Variants in SLC5A2 observed in about 807,000 individuals in gnomAD.
The protein encoded by SLC5A2 is solute carrier family 5 member 2, also known as sodium/glucose cotransporter 2.
In SLC5A2, 67 loss-of-function variants were observed where a neutral mutation model predicts 69.0. The observed-to-expected ratio is 0.97, with a 90% CI of 0.80 to 1.19. The LOEUF is 1.19. Among genes scored for constraint, SLC5A2 ranks in the 50% most tolerant of loss-of-function variants. SLC5A2 has a pLI of 0.00. For synonymous variants in SLC5A2, 455 were observed against 395.8 expected (o/e 1.15, Z -1.78); for missense variants, 1,001 against 921.5 (o/e 1.09, Z -1.12).
rs758643864 is a variant in SLC5A2, at chr16:31,489,317, C to T, written c.1644C>T (p.Thr548=). 8.7e-6 allele frequency: 14 copies of T among 1,609,182 alleles called. No individual in the cohort carries two copies. Among genetic ancestry groups the T allele is most frequent in the Non-Finnish European group, 1.1e-5 (13 of 1,179,994 alleles). The change falls in exon 12 of 14, where the codon ACC becomes ACT. Residue 548 remains threonine, a synonymous_variant. Transcript: ENST00000330498. ...TCACCCTCACGGTCTCCCTGTGCAC[C>T]GCGCCCATCCCCAGAAAGCACGTGA... is the stretch of plus-strand genomic sequence containing the variant. ...GLLTLTVSLC[T]APIPRKHLHR...
intron 7 of SLC5A2, 107 bp downstream of exon 7, chr16:31,487,866 G>C: frequency 1.4e-6 from 2 of 1,408,688 alleles, no homozygotes; most frequent in Non-Finnish European, 1.9e-6. Context: ...GCAGTCTGAG[G>C]GGCGGGAACC....
rs2082516043 is a variant in SLC5A2 at position 31,488,192 on chromosome 16, C to A, written c.1021+19C>A. The A allele has an allele frequency of 1.9e-6, 3 of 1,614,010 alleles. No individual in the cohort carries two copies. Among genetic ancestry groups the A allele is most frequent in the Non-Finnish European group, 2.5e-6 (3 of 1,179,980 alleles). ...TACCCAGGTAACATCCCTGCCCCGCCCCTTTCCTGTGCCAGCAACCGGGCG... is the reference window on the plus strand; with the variant it reads ...TACCCAGGTAACATCCCTGCCCCGCACCTTTCCTGTGCCAGCAACCGGGCG... On this transcript the variant is annotated intron_variant, in intron 8 of 13. Coordinates refer to ENST00000330498, the MANE Select transcript of SLC5A2 (RefSeq NM_003041.4).
chr16:31,490,623 C>T lies in SLC5A2; in HGVS notation c.*88C>T. 2 of 1,230,276 alleles carry T rather than the reference C, an allele frequency of 1.6e-6. No individual in the cohort carries two copies. Among genetic ancestry groups the T allele is most frequent in the South Asian group, 1.3e-5 (1 of 78,606 alleles). The allele number at this position is 1,230,276 out of a possible 1,614,324, so 76.2% of individuals were successfully genotyped here. On this transcript the variant is annotated 3_prime_UTR_variant, in exon 14 of 14. Coordinates refer to ENST00000330498, the MANE Select transcript of SLC5A2 (RefSeq NM_003041.4). ...GTGCTCCCCAGAAAAGGGGAAGGGG[C>T]AGTGGGGTGAGAAGGTCCTGGCTCC...
At position 31,489,255 on chromosome 16, in the gene SLC5A2, T is replaced by C. The variant is rs2082535708; in HGVS notation, c.1582T>C (p.Tyr528His). The change falls in exon 12 of 14, where the codon TAC becomes CAC. Residue 528 changes from tyrosine to histidine, a missense_variant. Transcript: ENST00000330498. ...PAFLCGVHYL[Y>H]FAIVLFFCSG... The stretch of plus-strand genomic sequence containing the variant: ...TTTCCTCTGCGGCGTGCACTACCTC[T>C]ACTTCGCCATTGTGCTGTTCTTCTG... 6.2e-7 allele frequency: 1 copy of C among 1,610,882 alleles called. No individual in the cohort carries two copies. Among genetic ancestry groups the C allele is most frequent in the Non-Finnish European group, 8.5e-7 (1 of 1,180,018 alleles).
chr16:31,490,321 C>T lies in SLC5A2; in HGVS notation c.1805C>T (p.Pro602Leu), dbSNP rs61746400. The change falls in exon 14 of 14, where the codon CCG becomes CTG. Residue 602 changes from proline (P) to leucine (L), a missense_variant. Transcript: ENST00000330498. ...CAATTTCCCTCAGAGCCCCAGGCCCCGGCACCAAGCCTCTTCCGCCAGTGC... is the reference window on the plus strand; with the variant it reads ...CAATTTCCCTCAGAGCCCCAGGCCCTGGCACCAAGCCTCTTCCGCCAGTGC... Reference protein sequence around the residue: ...SAMEMNEPQAPAPSLFRQCLL... With the variant: ...SAMEMNEPQALAPSLFRQCLL... 1.1e-3 allele frequency: 1,748 copies of T among 1,611,982 alleles called. 20 individuals are homozygous for T. In the African/African-American group the frequency reaches 0.021, roughly 19 times the overall value.
At position 31,484,927 on chromosome 16, in the gene SLC5A2, A is replaced by T. The variant is rs1340872420; in HGVS notation, c.303+4A>T. The T allele has an allele frequency of 1.9e-6, 3 of 1,613,246 alleles. No individual in the cohort carries two copies. The highest frequency in any genetic ancestry group is 2.5e-6 in the Non-Finnish European group (3 of 1,179,382). Reference sequence around the variant, plus strand: ...TGTTGCTGGATTCGAGTGGAATGTGAGGCCCTCTTTTTTCCAATAACCCCA... The same window carrying T: ...TGTTGCTGGATTCGAGTGGAATGTGTGGCCCTCTTTTTTCCAATAACCCCA... On this transcript the variant is annotated splice_donor_region_variant and intron_variant, in intron 3 of 13. Transcript: ENST00000330498.
intron 1 of SLC5A2, 50 bp from the exon 2 acceptor site, chr16:31,484,623 G>A (rs1207340945): frequency 6.4e-7 from 1 of 1,566,624 alleles, no homozygotes; most frequent in Admixed American, 1.7e-5. Context: ...TGGCTGATGA[G>A]GTCCAAGGCT....
chr16:31,489,087 G>C lies in SLC5A2; in HGVS notation c.1450-36G>C, dbSNP rs116551030. ...GCGTGGTGACGGCAGGGCTGGGCTTGCACATCCTCAGCAGGCTGACCTGTT... is the reference window on the plus strand; with the variant it reads ...GCGTGGTGACGGCAGGGCTGGGCTTCCACATCCTCAGCAGGCTGACCTGTT... On this transcript the variant is annotated intron_variant, in intron 11 of 13. Coordinates refer to ENST00000330498, the MANE Select transcript of SLC5A2 (RefSeq NM_003041.4). The C allele has an allele frequency of 1.1e-3, 1,817 of 1,603,908 alleles. 23 individuals carry two copies. In the African/African-American group the frequency reaches 0.022, roughly 19 times the overall value.
rs867256198 is a variant in SLC5A2 at position 31,484,656 on chromosome 16, C to T, written c.127-17C>T. On this transcript the variant is annotated splice_polypyrimidine_tract_variant and intron_variant, in intron 1 of 13. Coordinates refer to ENST00000330498, the MANE Select transcript of SLC5A2 (RefSeq NM_003041.4). ...GCTGTGCCCTAAACCCAGGTCTCCC[C>T]CGCCTCTGTCTCCCAGTCCATGTGC... is the stretch of plus-strand genomic sequence containing the variant. 6.2e-7 allele frequency: 1 copy of T among 1,604,782 alleles called. No individual in the cohort carries two copies. Among genetic ancestry groups the T allele is most frequent in the African/African-American group, 1.3e-5 (1 of 75,048 alleles).
chr16:31,487,900 C>A, intron 7 of SLC5A2, 138 bp from the exon 8 acceptor site: 1 of 1,428,876 alleles, frequency 7.0e-7, no homozygotes, highest in Non-Finnish European at 9.5e-7. Flanking sequence ...CTAAACCAGA[C>A]AGAAGGCTCC....
Position 31,488,745 on chromosome 16 carries a change from G to C in SLC5A2, c.1253G>C (p.Gly418Ala), listed in dbSNP as rs1320195158. Residue 418 changes from glycine to alanine, a missense_variant, in exon 10 of 14, where the codon GGC becomes GCC. Coordinates refer to ENST00000330498, the MANE Select transcript of SLC5A2 (RefSeq NM_003041.4). ...TACACGCGCCTGCGGCCACGCGCCG[G>C]CGACCGCGAGCTGCTGCTGGTGGGA... ...DIYTRLRPRA[G>A]DRELLLVGRL... 7 of 1,605,416 alleles carry C rather than the reference G, an allele frequency of 4.4e-6. No homozygotes were observed. The highest frequency in any genetic ancestry group is 2.7e-5 in the African/African-American group (2 of 74,804).
intron 12 of SLC5A2, 184 bp downstream of exon 12, chr16:31,489,522 G>T: frequency 1.5e-6 from 1 of 647,934 alleles, no homozygotes; most frequent in South Asian, 1.8e-5. Flanking sequence ...GAACCGGCCT[G>T]GGGGAGGCTT....
chr16:31,487,863 G>T, intron 7 of SLC5A2, 104 bp downstream of exon 7: 2 of 1,410,500 alleles, frequency 1.4e-6, no homozygotes, highest in Non-Finnish European at 1.9e-6. Flanking sequence ...GGCGCAGTCT[G>T]AGGGGCGGGA....
At chr16:31,487,897 A>G in intron 7 of SLC5A2, 138 bp downstream of exon 7, 1 of 1,430,136 alleles carries the variant, frequency 7.0e-7, no homozygotes, top group Non-Finnish European at 9.5e-7. Flanking sequence ...GTGCTAAACC[A>G]GACAGAAGGC....
At chr16:31,486,648 G>C (rs1257276292) in intron 5 of SLC5A2, among the ~76,000 whole-genome samples, 2 of 152,244 alleles carry the variant, frequency 1.3e-5, no homozygotes, top group Admixed American at 1.3e-4. Context: ...ATGCGGACCA[G>C]AGTAGGCAGG....
At chr16:31,483,552 T>C (rs902343116) in intron 1 of SLC5A2, among the ~76,000 whole-genome samples, 2 of 151,732 alleles carry the variant, frequency 1.3e-5, no homozygotes, top group African/African-American at 4.8e-5. Flanking sequence ...CAGCAGAAAA[T>C]ATTCAAGGTC....
chr16:31,487,469 C>T, intron 6 of SLC5A2, 61 bp from the exon 7 acceptor site: 1 of 1,609,348 alleles, frequency 6.2e-7, no homozygotes, highest in Non-Finnish European at 8.5e-7. Flanking sequence ...GCGCGCGGGG[C>T]CGTTGCGCGT....
At chr16:31,484,482 A>G (rs1340805962) in intron 1 of SLC5A2, among the ~76,000 whole-genome samples, 191 bp from the exon 2 acceptor site, 1 of 151,780 alleles carries the variant, frequency 6.6e-6, no homozygotes, top group East Asian at 1.9e-4. Context: ...AAACTGGGGG[A>G]ATAGGACACT....
rs1403261396 is a variant in SLC5A2 at position 31,483,856 on chromosome 16, G to A, written c.126+594G>A. Among the ~76,000 whole-genome samples, 4 of 151,968 alleles carry A rather than the reference G, an allele frequency of 2.6e-5. No individual in the cohort carries two copies. The East Asian group carries it at 7.8e-4, about 30-fold the overall frequency. ...TCTGCCTCTGCCTCCCAAAGTGCTG[G>A]GATTACAGATGTGAGCCACTGTGCC... On this transcript the variant is annotated intron_variant, in intron 1 of 13. Transcript: ENST00000330498.
Sources: gnomAD v4.1 joint callset for allele counts (sites outside exome capture counted in the v4.1 genomes callset) on GRCh38, gnomAD v4.1.1 for gene constraint, MANE v1.5 for transcripts, NCBI Gene and HGNC (gene_info 2026-07-23, HGNC 2026-07-21) for gene names.